Variants in KIRREL3 observed in about 807,000 individuals in gnomAD.
KIRREL3 encodes the protein kirre like nephrin family adhesion molecule 3.
A neutral mutation model predicts 89.7 loss-of-function variants in KIRREL3; 36 were observed. The observed-to-expected ratio is 0.40, with a 90% CI of 0.31 to 0.53. The LOEUF is 0.53. Among genes scored for constraint, KIRREL3 ranks in the 20% least tolerant of loss-of-function variants. The pLI is 0.49. For missense variants in KIRREL3, 864 were observed against 1,056.6 expected (o/e 0.82, Z 2.53); for synonymous variants, 445 against 441.4 (o/e 1.01, Z -0.10).
At position 126,709,804 on chromosome 11, in the gene KIRREL3, G is replaced by A. The variant is rs1488010513; in HGVS notation, c.56-146892C>T. On this transcript the variant is annotated intron_variant, in intron 1 of 16. Coordinates refer to ENST00000525144, the MANE Select transcript of KIRREL3 (RefSeq NM_032531.4). The surrounding 1 kb of genome is among the most constrained non-coding windows in gnomAD (Gnocchi z 4.0). ...TTAAGCCACAAGATCGTGGTATTTT[G>A]TTACAGCAGCCCAGGGAAACTAATA... Among the ~76,000 whole-genome samples, 1 of 152,162 alleles carries A rather than the reference G, an allele frequency of 6.6e-6. No individual in the cohort carries two copies. Among genetic ancestry groups the A allele is most frequent in the African/African-American group, 2.4e-5 (1 of 41,418 alleles).
At chr11:126,864,551 A>G (rs1944857202) in intron 1 of KIRREL3, among the ~76,000 whole-genome samples, 1 of 152,178 alleles carries the variant, frequency 6.6e-6, no homozygotes, top group South Asian at 2.1e-4. Context: ...GACTTGGGCT[A>G]TGTGTCTGAA....
At position 126,844,522 on chromosome 11, in the gene KIRREL3, A is replaced by G. The variant is rs1764023446; in HGVS notation, c.55+155933T>C. 6.6e-6 allele frequency among the ~76,000 whole-genome samples: 1 copy of G among 152,144 alleles called. No individual in the cohort carries two copies. The highest frequency in any genetic ancestry group is 2.4e-5 in the African/African-American group (1 of 41,438). On this transcript the variant is annotated intron_variant, in intron 1 of 16. Transcript: ENST00000525144. This position sits in a 1 kb window ranked among gnomAD's most constrained non-coding sequence, Gnocchi z 4.8. Reference sequence around the variant, plus strand: ...AGGATGGGATTGGGTTAGGGGCCCAACTTAGGGCAGTTGGAGTCTCTCCTA... The same window carrying G: ...AGGATGGGATTGGGTTAGGGGCCCAGCTTAGGGCAGTTGGAGTCTCTCCTA...
At chr11:126,716,670 CA>C in intron 1 of KIRREL3, among the ~76,000 whole-genome samples, 1 of 136,010 alleles carries the variant, frequency 7.4e-6, no homozygotes, top group East Asian at 2.4e-4. Flanking sequence ...AAGAAACAGC[CA>C]AATGCATCTG....
Position 126,489,978 on chromosome 11 carries a change from G to T in KIRREL3, c.434-16512C>A, listed in dbSNP as rs959334954. On this transcript the variant is annotated intron_variant, in intron 4 of 16. Coordinates refer to ENST00000525144, the MANE Select transcript of KIRREL3 (RefSeq NM_032531.4). This position sits in a 1 kb window ranked among gnomAD's most constrained non-coding sequence, Gnocchi z 5.5. ...ATCTGGGCGTGTTAGTGCTGCATAC[G>T]TTGGGGAAAATGAGACGTGTTGCTT... Among the ~76,000 whole-genome samples, 2 of 152,120 alleles carry T rather than the reference G, an allele frequency of 1.3e-5. No individual in the cohort carries two copies. Among genetic ancestry groups the T allele is most frequent in the African/African-American group, 2.4e-5 (1 of 41,426 alleles).
chr11:126,833,650 T>C (rs965216083), intron 1 of KIRREL3, among the ~76,000 whole-genome samples: 2 of 152,236 alleles, frequency 1.3e-5, no homozygotes, highest in African/African-American at 4.8e-5. Flanking sequence ...ACAATGAATG[T>C]ATGGCCTCAC....
rs1475040960 is a variant in KIRREL3 at position 126,562,590 on chromosome 11, A to C, written c.133+245T>G. Among the ~76,000 whole-genome samples the C allele has an allele frequency of 6.6e-6, 1 of 152,090 alleles. No individual in the cohort carries two copies. Among genetic ancestry groups the C allele is most frequent in the Non-Finnish European group, 1.5e-5 (1 of 68,010 alleles). ...GAAGAGAGAGGAAGAGAAGTAGGAG[A>C]CACAAAGGGAGAAGGGAAGATTGCA... is the stretch of plus-strand genomic sequence containing the variant. On this transcript the variant is annotated intron_variant, in intron 2 of 16. Transcript: ENST00000525144. This position sits in a 1 kb window ranked among gnomAD's most constrained non-coding sequence, Gnocchi z 4.7.
chr11:126,532,370 A>ATATTTATT (rs56217819), intron 2 of KIRREL3, among the ~76,000 whole-genome samples: 20,136 of 151,300 alleles, frequency 0.13, 1,542 homozygotes, highest in Middle Eastern at 0.19. Context: ...ATCTATTTTT[A>ATATTTATT]TATTTATTTA....
At chr11:126,826,113 G>T (rs544221299) in intron 1 of KIRREL3, among the ~76,000 whole-genome samples, 2 of 152,034 alleles carry the variant, frequency 1.3e-5, no homozygotes, top group African/African-American at 4.8e-5. Context: ...ACCCCATTAC[G>T]CTTGCCCCCA....
At chr11:126,572,340 CT>C (rs1940994718) in intron 1 of KIRREL3, among the ~76,000 whole-genome samples, 1 of 152,226 alleles carries the variant, frequency 6.6e-6, no homozygotes, top group Non-Finnish European at 1.5e-5. Flanking sequence ...TGAAATTAGT[CT>C]TTGCCCAGAT....
At position 126,562,725 on chromosome 11, in the gene KIRREL3, C is replaced by G; in HGVS notation, c.133+110G>C. 1 of 843,276 alleles carries G rather than the reference C, an allele frequency of 1.2e-6. No individual in the cohort carries two copies. The highest frequency in any genetic ancestry group is 1.7e-5 in the South Asian group (1 of 57,580). The allele number at this position is 843,276 out of a possible 1,614,324, so 52.2% of individuals were successfully genotyped here. A position where few individuals can be genotyped will look rare whatever the true frequency, so the allele number is the denominator to read the frequency against. On this transcript the variant is annotated intron_variant, in intron 2 of 16. Transcript: ENST00000525144. This position sits in a 1 kb window ranked among gnomAD's most constrained non-coding sequence, Gnocchi z 4.7. ...AACCAAACTGGTCTTCCCACTGTCC[C>G]CTTCTGAGAGGTCCCAGGTTCTTAT...
In KIRREL3 at chr11:126,783,678, G is replaced by A. The variant is rs74735025; in HGVS notation, c.55+216777C>T. On this transcript the variant is annotated intron_variant, in intron 1 of 16. Transcript: ENST00000525144. This position sits in a 1 kb window ranked among gnomAD's most constrained non-coding sequence, Gnocchi z 4.3. ...GGAATAAATACAGAAATAAATAAATGGAGGAGAATAGATAGACTCCAGTGC... is the reference window on the plus strand; with the variant it reads ...GGAATAAATACAGAAATAAATAAATAGAGGAGAATAGATAGACTCCAGTGC... Among the ~76,000 whole-genome samples, 2,717 of 152,326 alleles carry A rather than the reference G, an allele frequency of 0.018. 83 individuals carry two copies. Among genetic ancestry groups the A allele is most frequent in the African/African-American group, 0.062 (2,595 of 41,566 alleles).
rs868616186 is a variant in KIRREL3 at position 126,761,674 on chromosome 11, T to C, written c.56-198762A>G. Among the ~76,000 whole-genome samples the C allele has an allele frequency of 6.6e-5, 10 of 152,134 alleles. No individual in the cohort carries two copies. Among genetic ancestry groups the C allele is most frequent in the South Asian group, 4.2e-4 (2 of 4,814 alleles). On this transcript the variant is annotated intron_variant, in intron 1 of 16. Transcript: ENST00000525144. This position sits in a 1 kb window ranked among gnomAD's most constrained non-coding sequence, Gnocchi z 4.4. Reference sequence around the variant, plus strand: ...AAGGAATCTTGTAGAAATGTGATTATGGTGTAGTTTGTGTATATCACCAGA... The same window carrying C: ...AAGGAATCTTGTAGAAATGTGATTACGGTGTAGTTTGTGTATATCACCAGA...
chr11:126,921,614 CTATCTATCTTCCTATCT>C (rs1565419534), intron 1 of KIRREL3, among the ~76,000 whole-genome samples: 2 of 50,446 alleles, frequency 4.0e-5, no homozygotes, highest in African/African-American at 1.6e-4. Context: ...ATCTATCTAT[CTATCTATCTTCCTATCT>C]ATCCATCCAT....
rs944109788 is a variant in KIRREL3 at position 126,978,055 on chromosome 11, G to C, written c.55+22400C>G. Among the ~76,000 whole-genome samples, 1 of 152,102 alleles carries C rather than the reference G, an allele frequency of 6.6e-6. No individual in the cohort carries two copies. Among genetic ancestry groups the C allele is most frequent in the East Asian group, 1.9e-4 (1 of 5,188 alleles). ...TACTGACAGCCTCCTTCTCCAGCAC[G>C]GCAGCCCACCAAAAGTGCCTCCTTC... On this transcript the variant is annotated intron_variant, in intron 1 of 16. Transcript: ENST00000525144. The surrounding 1 kb of genome is among the most constrained non-coding windows in gnomAD (Gnocchi z 4.2).
At chr11:126,714,141 G>A (rs866374415) in intron 1 of KIRREL3, among the ~76,000 whole-genome samples, 9 of 152,102 alleles carry the variant, frequency 5.9e-5, no homozygotes, top group Admixed American at 4.6e-4. Context: ...GCCACAGCCC[G>A]GACAGTCAGT....
At chr11:126,613,513 G>A (rs1169992205) in intron 1 of KIRREL3, among the ~76,000 whole-genome samples, 3 of 152,050 alleles carry the variant, frequency 2.0e-5, no homozygotes, top group Admixed American at 1.3e-4. Flanking sequence ...GCTTGGACAC[G>A]TGCTTTCCCC....
In KIRREL3 at chr11:126,937,674, T is replaced by C. The variant is rs570942772; in HGVS notation, c.55+62781A>G. On this transcript the variant is annotated intron_variant, in intron 1 of 16. Coordinates refer to ENST00000525144, the MANE Select transcript of KIRREL3 (RefSeq NM_032531.4). ...CCAGCACTTTGGAGGCCAAGGCGGG[T>C]GGATCACGAGGTCAGGAGATCAAGA... Among the ~76,000 whole-genome samples, 32 of 150,416 alleles carry C rather than the reference T, an allele frequency of 2.1e-4. No homozygotes were observed. In the East Asian group the frequency reaches 2.4e-3, roughly 11 times the overall value.
chr11:126,866,776 CGAG>C (rs1565366658), intron 1 of KIRREL3, among the ~76,000 whole-genome samples: 1 of 152,076 alleles, frequency 6.6e-6, no homozygotes, highest in African/African-American at 2.4e-5. Flanking sequence ...GACGCAGACG[CGAG>C]GAGAATTTAT....
intron 5 of KIRREL3, among the ~76,000 whole-genome samples, chr11:126,464,926 C>T (rs1045594913): frequency 6.6e-6 from 1 of 152,194 alleles, no homozygotes; most frequent in Non-Finnish European, 1.5e-5. Context: ...CAGGTCATTG[C>T]TTTTCTCTAC....
Sources: gnomAD v4.1 joint callset for allele counts (sites outside exome capture counted in the v4.1 genomes callset) on GRCh38, gnomAD v4.1.1 for gene constraint, Gnocchi (gnomAD v3.1) non-coding constraint, MANE v1.5 for transcripts, NCBI Gene and HGNC (gene_info 2026-07-23, HGNC 2026-07-21) for gene names.